HPSE2: variants seen among roughly 807,000 people sequenced by gnomAD.
HPSE2 encodes the protein heparanase 2 (inactive).
In HPSE2, 38 loss-of-function variants were observed where a neutral mutation model predicts 60.5. The ratio of observed to expected loss-of-function variants is 0.63; its 90% CI spans 0.48 to 0.82. The LOEUF is 0.82. Ranked by LOEUF, HPSE2 falls within the 40% of genes least tolerant of loss-of-function variation. The probability of loss-of-function intolerance (pLI) is 0.00; values close to 1 mark genes in which losing one functional copy is unlikely to be tolerated. For missense variants in HPSE2, 713 were observed against 740.4 expected (o/e 0.96, Z 0.43); for synonymous variants, 295 against 293.2 (o/e 1.01, Z -0.06).
chr10:99,097,894 A>C (rs576207976), intron 3 of HPSE2, among the ~76,000 whole-genome samples: 1 of 152,336 alleles, frequency 6.6e-6, no homozygotes, highest in African/African-American at 2.4e-5. Context: ...GCTTTCAAAA[A>C]ACAAAGCAGA....
At chr10:98,846,730 G>A (rs1952043745) in intron 3 of HPSE2, among the ~76,000 whole-genome samples, 1 of 152,170 alleles carries the variant, frequency 6.6e-6, no homozygotes, top group Admixed American at 6.5e-5. Flanking sequence ...AAAATGCTAT[G>A]ACACATTGTT....
chr10:99,114,373 G>A (rs897355415), intron 3 of HPSE2, among the ~76,000 whole-genome samples: 2 of 152,158 alleles, frequency 1.3e-5, no homozygotes, highest in Non-Finnish European at 2.9e-5. Flanking sequence ...CTAAATGAAG[G>A]AACCTCTAAG....
intron 5 of HPSE2, among the ~76,000 whole-genome samples, chr10:98,711,264 C>A (rs1281646988): frequency 1.3e-5 from 2 of 151,884 alleles, no homozygotes; most frequent in Non-Finnish European, 2.9e-5. Flanking sequence ...GGCTGTAGAG[C>A]CTGGTGAGAA....
intron 9 of HPSE2, among the ~76,000 whole-genome samples, chr10:98,543,814 C>G (rs1156823924): frequency 1.3e-5 from 2 of 152,116 alleles, no homozygotes; most frequent in African/African-American, 2.4e-5. Context: ...TACAGGAGCA[C>G]CCAGATTCAT....
the HPSE2 span, among the ~76,000 whole-genome samples, chr10:99,274,811 A>G: frequency 6.6e-6 from 1 of 152,242 alleles, no homozygotes; most frequent in Non-Finnish European, 1.5e-5. Flanking sequence ...TTTCCAGAGT[A>G]AACTGGAGGA....
At chr10:98,799,640 A>C (rs1281558443) in intron 3 of HPSE2, among the ~76,000 whole-genome samples, 2 of 152,204 alleles carry the variant, frequency 1.3e-5, no homozygotes, top group African/African-American at 4.8e-5. Flanking sequence ...AATTTTGGAC[A>C]CTATACAAAC....
intron 3 of HPSE2, among the ~76,000 whole-genome samples, chr10:99,094,889 G>A (rs564806642): frequency 4.6e-5 from 7 of 151,644 alleles, no homozygotes; most frequent in South Asian, 2.1e-4. Flanking sequence ...TTAAATTTCC[G>A]CTTTAGAAAA....
chr10:99,313,592 A>ATTTTTTTTTT, the HPSE2 span, among the ~76,000 whole-genome samples: 2 of 84,622 alleles, frequency 2.4e-5, no homozygotes, highest in African/African-American at 4.9e-5. Context: ...ACTGACTCCA[A>ATTTTTTTTTT]TTTTTTTTTT....
At chr10:98,563,908 CT>C (rs1944264259) in intron 9 of HPSE2, among the ~76,000 whole-genome samples, 1 of 152,190 alleles carries the variant, frequency 6.6e-6, no homozygotes, top group Non-Finnish European at 1.5e-5. Flanking sequence ...GCTTCTGCCC[CT>C]GGCATACTAC....
At chr10:98,663,034 G>C (rs1356882041) in intron 6 of HPSE2, among the ~76,000 whole-genome samples, 1 of 152,184 alleles carries the variant, frequency 6.6e-6, no homozygotes, top group Non-Finnish European at 1.5e-5. Flanking sequence ...ATTTATAGGG[G>C]AAGTAAGACT....
intron 3 of HPSE2, among the ~76,000 whole-genome samples, chr10:99,049,008 T>G (rs2135494043): frequency 6.6e-6 from 1 of 152,256 alleles, no homozygotes; most frequent in East Asian, 1.9e-4. Context: ...TATTTTCACT[T>G]ATAAGTGGGA....
intron 3 of HPSE2, among the ~76,000 whole-genome samples, chr10:99,107,990 G>T (rs1844313562): frequency 6.6e-6 from 1 of 152,018 alleles, no homozygotes; most frequent in Non-Finnish European, 1.5e-5. Context: ...AATCTGTTTT[G>T]CTTTTTCAAT....
intron 9 of HPSE2, among the ~76,000 whole-genome samples, chr10:98,614,291 G>GT (rs1199224334): frequency 0.01 from 960 of 93,842 alleles, 7 homozygotes; most frequent in South Asian, 0.04. Flanking sequence ...CACAAGGATT[G>GT]TTTTGTTTTT....
chr10:98,846,117 TATG>T (rs977986635), intron 3 of HPSE2, among the ~76,000 whole-genome samples: 2 of 152,220 alleles, frequency 1.3e-5, no homozygotes, highest in African/African-American at 4.8e-5. Flanking sequence ...TTCAGGGGAA[TATG>T]ATATTATTAT....
intron 2 of HPSE2, among the ~76,000 whole-genome samples, chr10:99,183,241 G>A (rs1022007474): frequency 3.3e-5 from 5 of 152,102 alleles, no homozygotes; most frequent in Non-Finnish European, 5.9e-5. Flanking sequence ...GAGTATAGGA[G>A]ACGGATTTTC....
chr10:98,600,263 T>C (rs528535), intron 9 of HPSE2, among the ~76,000 whole-genome samples: 16,071 of 152,250 alleles, frequency 0.11, 1,433 homozygotes, highest in African/African-American at 0.25. Context: ...ATATACTACA[T>C]GCATAAAAGG....
At chr10:99,103,488 A>G (rs1215512438) in intron 3 of HPSE2, among the ~76,000 whole-genome samples, 1 of 152,216 alleles carries the variant, frequency 6.6e-6, no homozygotes. Flanking sequence ...AAAAGAGGAT[A>G]CAAACAAATG....
chr10:98,999,364 C>T (rs1956726137), intron 3 of HPSE2, among the ~76,000 whole-genome samples: 1 of 152,136 alleles, frequency 6.6e-6, no homozygotes, highest in Admixed American at 6.5e-5. Context: ...GCCTGAAGAG[C>T]TTACGTGTGC....
chr10:99,310,963 A>G, the HPSE2 span, among the ~76,000 whole-genome samples: 4 of 152,192 alleles, frequency 2.6e-5, no homozygotes, highest in Admixed American at 2.6e-4. Flanking sequence ...TCAGAAATTC[A>G]TATCATTTTT....
Sources: gnomAD v4.1 joint callset for allele counts (sites outside exome capture counted in the v4.1 genomes callset) on GRCh38, gnomAD v4.1.1 for gene constraint, MANE v1.5 for transcripts, NCBI Gene and HGNC (gene_info 2026-07-23, HGNC 2026-07-21) for gene names.